PRDM4: variants seen among roughly 807,000 people sequenced by gnomAD.
The protein encoded by PRDM4 is PR/SET domain 4, also known as PR domain zinc finger protein 4.
A neutral mutation model predicts 62.3 loss-of-function variants in PRDM4; 38 were observed. The ratio of observed to expected loss-of-function variants is 0.61; its 90% confidence interval spans 0.47 to 0.80. The LOEUF is 0.80. Ranked by LOEUF, PRDM4 falls within the 30% of genes least tolerant of loss-of-function variation. The probability of loss-of-function intolerance (pLI) is 0.00; values close to 1 mark genes in which losing one functional copy is unlikely to be tolerated. For synonymous variants in PRDM4, 339 were observed against 348.2 expected (o/e 0.97, Z 0.30); for missense variants, 858 against 997.1 (o/e 0.86, Z 1.88).
chr12:107,754,153 A>AT lies in PRDM4; in HGVS notation c.146-45dup, dbSNP rs1340520927. 2.8e-6 allele frequency: 4 copies of AT among 1,452,794 alleles called. No individual in the cohort carries two copies. The African/African-American group carries it at 4.3e-5, about 16-fold the overall frequency. The allele number at this position is 1,452,794 out of a possible 1,614,324, so 90.0% of individuals were successfully genotyped here. On this transcript the variant is annotated intron_variant, in intron 3 of 11. Transcript: ENST00000228437. ...TTTCTCAGTTAAAAGAAAATAGGTA[A>AT]TTAAAAATTCTCACTACAACCACTG...
rs765670500 is a variant in PRDM4, at chr12:107,734,399, A to C, written c.2217T>G (p.Tyr739Ter). The C allele has an allele frequency of 6.2e-7, 1 of 1,614,168 alleles. No homozygotes were observed. The highest frequency in any genetic ancestry group is 8.5e-7 in the Non-Finnish European group (1 of 1,180,020). The change falls in exon 12 of 12, where the codon TAT becomes TAG. Residue 739 changes from tyrosine (Y) to a stop codon, truncating the protein, a stop_gained. Transcript: ENST00000228437. LOFTEE classifies it high-confidence loss of function. ...DYVCEKCTKA[Y>*]LTKYHLTRHL... Reference sequence around the variant, plus strand: ...GGCGGGTGAGATGGTATTTGGTTAGATAAGCCTTTGTACATTTTTCACAGA... The same window carrying C: ...GGCGGGTGAGATGGTATTTGGTTAGCTAAGCCTTTGTACATTTTTCACAGA...
chr12:107,739,275 A>G, intron 11 of PRDM4, 108 bp downstream of exon 11: 1 of 1,271,050 alleles, frequency 7.9e-7, no homozygotes, highest in Non-Finnish European at 1.1e-6. Context: ...GTACCAAGGC[A>G]TGAAACAGAT....
intron 5 of PRDM4, among the ~76,000 whole-genome samples, chr12:107,748,006 C>T (rs951485025): frequency 4.0e-5 from 6 of 151,726 alleles, no homozygotes; most frequent in African/African-American, 1.5e-4. Context: ...CACGGCAAAT[C>T]GTCTCTACCA....
intron 5 of PRDM4, among the ~76,000 whole-genome samples, chr12:107,751,137 G>A (rs1010916021): frequency 1.3e-5 from 2 of 152,140 alleles, no homozygotes; most frequent in Non-Finnish European, 1.5e-5. Context: ...ACACACTACC[G>A]CATGTGCTAA....
rs181945701 is a variant in PRDM4, at chr12:107,755,138, G to A, written c.146-1029C>T. On this transcript the variant is annotated intron_variant, in intron 3 of 11. Coordinates refer to ENST00000228437, the MANE Select transcript of PRDM4 (RefSeq NM_012406.4). ...TTTGCTATGTTGCCCAGGTTGGAGCGTAGTAGCATGACCATGGCTCAGGCA... is the reference window on the plus strand; with the variant it reads ...TTTGCTATGTTGCCCAGGTTGGAGCATAGTAGCATGACCATGGCTCAGGCA... Among the ~76,000 whole-genome samples the A allele has an allele frequency of 8.5e-5, 13 of 152,106 alleles. No individual in the cohort carries two copies. The East Asian group carries it at 9.7e-4, about 11-fold the overall frequency.
intron 3 of PRDM4, among the ~76,000 whole-genome samples, chr12:107,754,669 A>G (rs1377385153): frequency 6.6e-6 from 1 of 152,162 alleles, no homozygotes; most frequent in Non-Finnish European, 1.5e-5. Flanking sequence ...CACCATGCCC[A>G]GCCAAAATAT....
At chr12:107,743,957 T>C (rs961266436) in intron 7 of PRDM4, among the ~76,000 whole-genome samples, 1 of 151,850 alleles carries the variant, frequency 6.6e-6, no homozygotes, top group Non-Finnish European at 1.5e-5. Context: ...TCTACAAAAA[T>C]ACAAAAATTA....
chr12:107,746,251 G>A, intron 6 of PRDM4, 24 bp downstream of exon 6: 1 of 1,611,816 alleles, frequency 6.2e-7, no homozygotes, highest in Non-Finnish European at 8.5e-7. Context: ...ATGTAATAGT[G>A]TTTTACAGTT....
At chr12:107,742,434 G>C in intron 8 of PRDM4, 86 bp from the exon 9 acceptor site, 1 of 1,427,940 alleles carries the variant, frequency 7.0e-7, no homozygotes, top group Non-Finnish European at 9.7e-7. Context: ...AATCCTATAT[G>C]AAAGCTTAGG....
chr12:107,754,209 G>A (rs1890992237), intron 3 of PRDM4, 100 bp from the exon 4 acceptor site: 1 of 878,738 alleles, frequency 1.1e-6, no homozygotes, highest in Non-Finnish European at 1.7e-6. Flanking sequence ...TTTACACATG[G>A]GCAAAAATCT....
intron 2 of PRDM4, chr12:107,759,909 G>T (rs1038199601): frequency 6.6e-6 from 1 of 152,214 alleles, no homozygotes; most frequent in African/African-American, 2.4e-5. Context: ...GCAACCATCT[G>T]CCAGTTGCTG....
In PRDM4 at chr12:107,741,224, C is replaced by A. The variant is rs757385427; in HGVS notation, c.1646G>T (p.Cys549Phe). 1.9e-6 allele frequency: 3 copies of A among 1,613,732 alleles called. No homozygotes were observed. The highest frequency in any genetic ancestry group is 2.5e-6 in the Non-Finnish European group (3 of 1,179,690). Reference protein sequence around the residue: ...PEHPDVHLCNCGKECNSYTEF... With the variant: ...PEHPDVHLCNFGKECNSYTEF... ...TGTGTAAGAATTGCACTCCTTGCCA[C>A]AGTTACAGAGATGCACATCTGGGTG... The change falls in exon 10 of 12, where the codon TGT becomes TTT. Residue 549 changes from cysteine to phenylalanine, a missense_variant. Around this residue, in one of 3 missense-constraint regions of PRDM4, gnomAD observed 355 missense variants for 432.6 expected, o/e 0.82. Coordinates refer to ENST00000228437, the MANE Select transcript of PRDM4 (RefSeq NM_012406.4).
chr12:107,756,849 C>CT lies in PRDM4; in HGVS notation c.127dup (p.Ser43LysfsTer45). On this transcript the variant is annotated frameshift_variant, in exon 3 of 12. Transcript: ENST00000228437. LOFTEE classifies it high-confidence loss of function. ...CCACTCACCTGGGGCAGGGATGGCA[C>CT]TGTGAGTGGGTGAGGCAGCCAATCC... The CT allele has an allele frequency of 6.2e-7, 1 of 1,614,140 alleles. No individual in the cohort carries two copies.
chr12:107,740,658 GCTCAGA>G (rs1186504182), intron 10 of PRDM4, among the ~76,000 whole-genome samples: 3 of 152,064 alleles, frequency 2.0e-5, no homozygotes, highest in East Asian at 1.9e-4. Context: ...CTAATGAGAG[GCTCAGA>G]CTCAGACTCA....
At chr12:107,754,139 A>C in intron 3 of PRDM4, 30 bp from the exon 4 acceptor site, 1 of 1,509,108 alleles carries the variant, frequency 6.6e-7, no homozygotes, top group Admixed American at 2.0e-5. Context: ...TTCTCAGTTA[A>C]AAGAAAATAG....
intron 11 of PRDM4, among the ~76,000 whole-genome samples, 165 bp from the exon 12 acceptor site, chr12:107,734,687 A>G (rs1410755480): frequency 1.3e-5 from 2 of 152,232 alleles, no homozygotes; most frequent in Non-Finnish European, 2.9e-5. Flanking sequence ...GTATAGTTTA[A>G]AACAGTGTAG....
rs1456658568 is a variant in PRDM4 at position 107,734,049 on chromosome 12, G to T, written c.*161C>A. ...AATCTGTTTTAAAGTGTTTTCATTA[G>T]GATACTCTTCTGTAAGTGCTTTATT... On this transcript the variant is annotated 3_prime_UTR_variant, in exon 12 of 12. Coordinates refer to ENST00000228437, the MANE Select transcript of PRDM4 (RefSeq NM_012406.4). 5.6e-6 allele frequency: 4 copies of T among 716,692 alleles called. No individual in the cohort carries two copies. Among genetic ancestry groups the T allele is most frequent in the Non-Finnish European group, 8.9e-6 (4 of 448,682 alleles). The allele number at this position is 716,692 out of a possible 1,614,324, so 44.4% of individuals were successfully genotyped here.
At chr12:107,742,148 A>T in intron 9 of PRDM4, 73 bp downstream of exon 9, 1 of 1,479,438 alleles carries the variant, frequency 6.8e-7, no homozygotes. Context: ...CATGTAAATC[A>T]TTACCAAAAC....
rs532855166 is a variant in PRDM4 at position 107,760,761 on chromosome 12, G to A, written c.-246C>T. Reference sequence around the variant, plus strand: ...TTCCGTCCAGAAGCTTCGGGAAGGGGGCTGCCCAACCTGGGGGAGTGGGGA... The same window carrying A: ...TTCCGTCCAGAAGCTTCGGGAAGGGAGCTGCCCAACCTGGGGGAGTGGGGA... On this transcript the variant is annotated 5_prime_UTR_variant, in exon 2 of 12. Coordinates refer to ENST00000228437, the MANE Select transcript of PRDM4 (RefSeq NM_012406.4). The A allele has an allele frequency of 1.5e-4, 81 of 530,394 alleles. No homozygotes were observed. The East Asian group carries it at 2.6e-3, about 17-fold the overall frequency. The allele number at this position is 530,394 out of a possible 1,614,324, so 32.9% of individuals were successfully genotyped here.
Sources: gnomAD v4.1 joint callset for allele counts (sites outside exome capture counted in the v4.1 genomes callset) on GRCh38, gnomAD v4.1.1 for gene constraint, gnomAD v4.1.1 regional missense constraint, MANE v1.5 for transcripts, NCBI Gene and HGNC (gene_info 2026-07-23, HGNC 2026-07-21) for gene names.